Variants in KCNIP1 observed in about 807,000 individuals in gnomAD.
KCNIP1 encodes the protein A-type potassium channel modulatory protein KCNIP1.
In KCNIP1, 18 loss-of-function variants were observed where a neutral mutation model predicts 33.0. That is an observed-to-expected ratio of 0.55 (90% CI 0.38 to 0.81). KCNIP1 has a LOEUF of 0.81. Among genes scored for constraint, KCNIP1 ranks in the 30% least tolerant of loss-of-function variants. The pLI is 0.00. For synonymous variants in KCNIP1, 93 were observed against 98.3 expected (o/e 0.95, Z 0.32); for missense variants, 238 against 271.6 (o/e 0.88, Z 0.87).
intron 1 of KCNIP1, among the ~76,000 whole-genome samples, chr5:170,479,056 T>C (rs545663120): frequency 1.3e-5 from 2 of 152,352 alleles, no homozygotes; most frequent in East Asian, 3.9e-4. Flanking sequence ...TAGTGTCAGA[T>C]AGAATTCAAG....
At chr5:170,655,876 G>T (rs1178187273) in intron 1 of KCNIP1, among the ~76,000 whole-genome samples, 1 of 152,192 alleles carries the variant, frequency 6.6e-6, no homozygotes, top group South Asian at 2.1e-4. Context: ...ATTGACCAAT[G>T]GTTCGGCCAC....
rs187570864 is a variant in KCNIP1, at chr5:170,403,374, C to G, written c.88+49410C>G. On this transcript the variant is annotated intron_variant, in intron 1 of 7. Transcript: ENST00000377360. Reference sequence around the variant, plus strand: ...AACTGAGAATTGTGAACATGATCTTCTTTTATGTGTTTATGGAAAAGCAGT... The same window carrying G: ...AACTGAGAATTGTGAACATGATCTTGTTTTATGTGTTTATGGAAAAGCAGT... 1.7e-3 allele frequency among the ~76,000 whole-genome samples: 265 copies of G among 152,294 alleles called. 1 individual carries two copies. The Middle Eastern group carries it at 0.02, about 12-fold the overall frequency.
chr5:170,394,390 G>A (rs1469978551), intron 1 of KCNIP1, among the ~76,000 whole-genome samples: 3 of 152,124 alleles, frequency 2.0e-5, no homozygotes, highest in South Asian at 2.1e-4. Context: ...GACTGGAACC[G>A]TTCTTATTCA....
chr5:170,579,541 A>G (rs1462703833), intron 1 of KCNIP1, among the ~76,000 whole-genome samples: 1 of 152,136 alleles, frequency 6.6e-6, no homozygotes, highest in African/African-American at 2.4e-5. Context: ...TTTTAGCATC[A>G]TGTGCATTGC....
intron 3 of KCNIP1, among the ~76,000 whole-genome samples, 199 bp downstream of exon 3, chr5:170,720,589 G>T (rs1763787086): frequency 6.6e-6 from 1 of 152,178 alleles, no homozygotes; most frequent in Admixed American, 6.5e-5. Context: ...AACCCACCCT[G>T]GAAGGGGAAG....
intron 1 of KCNIP1, among the ~76,000 whole-genome samples, chr5:170,655,088 G>T (rs959200026): frequency 3.9e-4 from 59 of 152,094 alleles, no homozygotes; most frequent in Admixed American, 3.9e-3. Context: ...CAGCACAAAA[G>T]ATAAAAATTG....
chr5:170,682,780 GTTTCTTTTTTTTTTTTT>G (rs1762395803), intron 1 of KCNIP1, among the ~76,000 whole-genome samples: 1 of 59,658 alleles, frequency 1.7e-5, no homozygotes, highest in African/African-American at 6.8e-5. Flanking sequence ...TATTTTCTTT[GTTTCTTTTTTTTTTTTT>G]TTTTTTTTTT....
chr5:170,653,714 C>T (rs1306392086), intron 1 of KCNIP1, among the ~76,000 whole-genome samples: 1 of 151,606 alleles, frequency 6.6e-6, no homozygotes, highest in African/African-American at 2.4e-5. Flanking sequence ...GCTTGTTTCC[C>T]TTTACCTGTA....
chr5:170,634,738 G>A (rs553990976), intron 1 of KCNIP1, among the ~76,000 whole-genome samples: 53 of 152,322 alleles, frequency 3.5e-4, no homozygotes, highest in African/African-American at 1.3e-3. Context: ...AGGAAGGCCA[G>A]GCAGATGTGT....
At chr5:170,482,459 C>T (rs1031497397) in intron 1 of KCNIP1, among the ~76,000 whole-genome samples, 4 of 152,186 alleles carry the variant, frequency 2.6e-5, no homozygotes, top group Non-Finnish European at 5.9e-5. Context: ...AAAACCCTTA[C>T]AACAGCCCCA....
At position 170,736,147 on chromosome 5, in the gene KCNIP1, G is replaced by T. The variant is rs1440214196; in HGVS notation, c.*341G>T. 8.8e-6 allele frequency: 2 copies of T among 227,330 alleles called. No homozygotes were observed. The highest frequency in any genetic ancestry group is 1.7e-5 in the Non-Finnish European group (2 of 116,070). The allele number at this position is 227,330 out of a possible 1,614,324, so 14.1% of individuals were successfully genotyped here. A position where few individuals can be genotyped will look rare whatever the true frequency, so the allele number is the denominator to read the frequency against. ...AAAATATGCTGCTTACGTGCCCCCA[G>T]CCCACTGCCTCCAAGTCAGGCAGAC... On this transcript the variant is annotated 3_prime_UTR_variant, in exon 8 of 8. Transcript: ENST00000328939.
At chr5:170,599,455 C>T (rs372500774) in intron 1 of KCNIP1, among the ~76,000 whole-genome samples, 4 of 152,162 alleles carry the variant, frequency 2.6e-5, no homozygotes, top group East Asian at 1.9e-4. Flanking sequence ...TTACTCAACC[C>T]TTCAGACTTA....
At chr5:170,487,506 G>A (rs1189774727) in intron 1 of KCNIP1, among the ~76,000 whole-genome samples, 5 of 149,720 alleles carry the variant, frequency 3.3e-5, no homozygotes, top group Non-Finnish European at 5.9e-5. Flanking sequence ...TCATCATCAC[G>A]ATATAGTCAC....
intron 1 of KCNIP1, among the ~76,000 whole-genome samples, chr5:170,625,122 G>A (rs1427152875): frequency 6.6e-6 from 1 of 152,072 alleles, no homozygotes; most frequent in African/African-American, 2.4e-5. Context: ...GGTCCCAGCA[G>A]CAGCCCTCTG....
At chr5:170,486,117 G>T (rs2113184889) in intron 1 of KCNIP1, 1 of 152,230 alleles carries the variant, frequency 6.6e-6, no homozygotes, top group African/African-American at 2.4e-5. Context: ...GGCTGAGCGT[G>T]TTGACTAAGG....
chr5:170,707,915 T>G (rs1763314794), intron 1 of KCNIP1, among the ~76,000 whole-genome samples: 1 of 152,106 alleles, frequency 6.6e-6, no homozygotes, highest in Non-Finnish European at 1.5e-5. Flanking sequence ...GAACAAATGC[T>G]TGAAGCAAAA....
chr5:170,395,482 GT>G (rs1341217232), intron 1 of KCNIP1, among the ~76,000 whole-genome samples: 2 of 152,204 alleles, frequency 1.3e-5, no homozygotes, highest in Admixed American at 1.3e-4. Context: ...CTGCATGCTT[GT>G]TTGTGTTTAG....
At chr5:170,365,478 A>C (rs1215562964) in intron 1 of KCNIP1, among the ~76,000 whole-genome samples, 2 of 152,140 alleles carry the variant, frequency 1.3e-5, no homozygotes, top group African/African-American at 2.4e-5. Context: ...CTGGCGGGCC[A>C]TTTGGTTCAT....
intron 1 of KCNIP1, among the ~76,000 whole-genome samples, chr5:170,568,648 TAAAAAAAAAAAA>T (rs33992187): frequency 1.1e-4 from 5 of 43,730 alleles, no homozygotes; most frequent in South Asian, 4.3e-3. Context: ...CCGTTTCTAC[TAAAAAAAAAAAA>T]AAAAAAAAAA....
Sources: gnomAD v4.1 joint callset for allele counts (sites outside exome capture counted in the v4.1 genomes callset) on GRCh38, gnomAD v4.1.1 for gene constraint, MANE v1.5 for transcripts, NCBI Gene and HGNC (gene_info 2026-07-23, HGNC 2026-07-21) for gene names.